ASIC2: variants seen among roughly 807,000 people sequenced by gnomAD.
ASIC2 encodes the protein acid sensing ion channel subunit 2, also known as acid-sensing ion channel 2.
A neutral mutation model predicts 57.3 loss-of-function variants in ASIC2; 25 were observed. The observed-to-expected ratio is 0.44, with a 90% CI of 0.32 to 0.61. The LOEUF is 0.61. ASIC2 is among the 20% of genes least tolerant of loss of function. ASIC2 has a pLI of 0.06. For missense variants in ASIC2, 641 were observed against 738.1 expected (o/e 0.87, Z 1.52); for synonymous variants, 319 against 307.5 (o/e 1.04, Z -0.39).
chr17:33,028,395 G>A lies in ASIC2; in HGVS notation c.988-3C>T. 2 of 1,614,042 alleles carry A rather than the reference G, an allele frequency of 1.2e-6. No individual in the cohort carries two copies. Among genetic ancestry groups the A allele is most frequent in the Non-Finnish European group, 1.7e-6 (2 of 1,179,974 alleles). On this transcript the variant is annotated splice_polypyrimidine_tract_variant and splice_region_variant and intron_variant, in intron 3 of 9. Coordinates refer to ENST00000225823, the MANE Select transcript of ASIC2 (RefSeq NM_183377.2). ...CACGGTGGGGGCAGGTATGTGAGCT[G>A]CAAGACAGGAAGGAGGGGGCGGCAG...
chr17:33,028,269 A>T lies in ASIC2; in HGVS notation c.1111T>A (p.Cys371Ser). ...DCETRYIVEN[C>S]NCRMVHMPGD... ...GGCATGTGAACCATGCGGCAGTTGCAGTTTTCCACAATGTAGCGGGTCTCA... is the reference window on the plus strand; with the variant it reads ...GGCATGTGAACCATGCGGCAGTTGCTGTTTTCCACAATGTAGCGGGTCTCA... Residue 371 changes from cysteine (C) to serine (S), a missense_variant, in exon 4 of 10, where the codon TGC (cysteine) becomes AGC (serine). Around this residue, in one of 3 missense-constraint regions of ASIC2, gnomAD observed 252 missense variants for 319.8 expected, o/e 0.79. Transcript: ENST00000225823. The T allele has an allele frequency of 6.2e-7, 1 of 1,614,136 alleles. No individual in the cohort carries two copies. Among genetic ancestry groups the T allele is most frequent in the East Asian group, 2.2e-5 (1 of 44,876 alleles).
At chr17:33,572,641 C>T (rs1916487858) in intron 1 of ASIC2, among the ~76,000 whole-genome samples, 1 of 152,178 alleles carries the variant, frequency 6.6e-6, no homozygotes, top group Admixed American at 6.5e-5. Context: ...AACTCAGTGC[C>T]TCTTTATCTT....
intron 1 of ASIC2, among the ~76,000 whole-genome samples, chr17:33,626,694 C>T (rs1160318318): frequency 6.6e-6 from 1 of 152,122 alleles, no homozygotes; most frequent in Non-Finnish European, 1.5e-5. Context: ...GCACTCCTGA[C>T]ATCCAATCAA....
At chr17:33,978,117 G>C (rs528481315) in intron 1 of ASIC2, among the ~76,000 whole-genome samples, 2 of 152,302 alleles carry the variant, frequency 1.3e-5, no homozygotes, top group East Asian at 1.9e-4. Flanking sequence ...ATCTTTCCCA[G>C]GTTTGAAGGT....
intron 1 of ASIC2, among the ~76,000 whole-genome samples, chr17:34,017,355 C>A (rs558055893): frequency 3.3e-5 from 5 of 152,328 alleles, no homozygotes; most frequent in Admixed American, 6.5e-5. Flanking sequence ...TAGTCATTCT[C>A]CTATCTCTTC....
chr17:33,958,465 T>G (rs1201728170), intron 1 of ASIC2, among the ~76,000 whole-genome samples: 1 of 152,128 alleles, frequency 6.6e-6, no homozygotes, highest in Non-Finnish European at 1.5e-5. Flanking sequence ...CAAATCTCAA[T>G]TCTTGTCTTC....
intron 3 of ASIC2, among the ~76,000 whole-genome samples, chr17:33,041,001 A>G (rs1463873641): frequency 1.3e-5 from 2 of 152,146 alleles, no homozygotes; most frequent in Non-Finnish European, 2.9e-5. Context: ...CACTGGGGCT[A>G]TAGAGATGAG....
intron 1 of ASIC2, among the ~76,000 whole-genome samples, chr17:33,342,627 T>A (rs1705323396): frequency 6.6e-6 from 1 of 152,098 alleles, no homozygotes; most frequent in African/African-American, 2.4e-5. Context: ...CACGACTGAT[T>A]ATTAACTCTC....
In ASIC2 at chr17:33,436,853, C is replaced by CTTCTTTTTT. The variant is rs1356302162; in HGVS notation, c.556-324787_556-324786insAAAAAAGAA. Among the ~76,000 whole-genome samples the CTTCTTTTTT allele has an allele frequency of 1.4e-3, 92 of 66,610 alleles. 2 individuals are homozygous for CTTCTTTTTT. The highest frequency in any genetic ancestry group is 1.9e-3 in the South Asian group (3 of 1,568). 43.7% of individuals were successfully genotyped at this position (66,610 alleles called of 152,430 possible). A position where few individuals can be genotyped will look rare whatever the true frequency, so the allele number is the denominator to read the frequency against. Reference sequence around the variant, plus strand: ...AATGCCTTAAAACACATTCCAACTTCTTTTTTTTTTTTTTTTTTTTTTTTT... The same window carrying CTTCTTTTTT: ...AATGCCTTAAAACACATTCCAACTTCTTCTTTTTTTTTTTTTTTTTTTTTTTTTTTTTTT... On this transcript the variant is annotated intron_variant, in intron 1 of 9. Coordinates refer to the ASIC2 transcript ENST00000359872.
chr17:33,036,379 C>A lies in ASIC2; in HGVS notation c.988-7987G>T, dbSNP rs191766138. Among the ~76,000 whole-genome samples the A allele has an allele frequency of 7.7e-4, 117 of 152,132 alleles. 1 individual carries two copies. The highest frequency in any genetic ancestry group is 2.7e-3 in the African/African-American group (112 of 41,484). On this transcript the variant is annotated intron_variant, in intron 3 of 9. Coordinates refer to ENST00000225823, the MANE Select transcript of ASIC2 (RefSeq NM_183377.2). Reference sequence around the variant, plus strand: ...ACAATGCCCCATAGGTCAAGGAAATCGATGGGAGGGATGGAGAAACCCTCC... The same window carrying A: ...ACAATGCCCCATAGGTCAAGGAAATAGATGGGAGGGATGGAGAAACCCTCC...
At chr17:33,879,323 A>G (rs1914638200) in intron 1 of ASIC2, among the ~76,000 whole-genome samples, 1 of 152,218 alleles carries the variant, frequency 6.6e-6, no homozygotes, top group South Asian at 2.1e-4. Context: ...AAATTGGATA[A>G]AAAGTCAAGA....
At chr17:33,578,981 G>A (rs970958984) in intron 1 of ASIC2, among the ~76,000 whole-genome samples, 8 of 152,112 alleles carry the variant, frequency 5.3e-5, no homozygotes, top group African/African-American at 9.7e-5. Context: ...CACCTTGGAA[G>A]CGGTTATAGA....
intron 1 of ASIC2, among the ~76,000 whole-genome samples, chr17:33,499,783 A>T (rs1597753286): frequency 6.6e-6 from 1 of 152,232 alleles, no homozygotes; most frequent in Non-Finnish European, 1.5e-5. Flanking sequence ...GTTGGATTGC[A>T]CCTGAAGTTA....
At chr17:33,738,558 C>G (rs1279444592) in intron 1 of ASIC2, among the ~76,000 whole-genome samples, 3 of 152,138 alleles carry the variant, frequency 2.0e-5, no homozygotes, top group Middle Eastern at 3.2e-3. Context: ...GCTTCAGTTT[C>G]CCCCAGTGGT....
chr17:33,196,915 T>C (rs1448733196), intron 1 of ASIC2, among the ~76,000 whole-genome samples: 3 of 152,204 alleles, frequency 2.0e-5, no homozygotes, highest in Non-Finnish European at 4.4e-5. Flanking sequence ...GTAAATACCA[T>C]GGAGGAAGCT....
At position 33,218,248 on chromosome 17, in the gene ASIC2, T is replaced by C. The variant is rs370665694; in HGVS notation, c.708+73160A>G. On this transcript the variant is annotated intron_variant, in intron 1 of 9. Coordinates refer to ENST00000225823, the MANE Select transcript of ASIC2 (RefSeq NM_183377.2). ...TCCCATCCCTGGGAATCTAGAAGCC[T>C]GGGTGGGGCTTCTGATGGTGGCTTC... 8.5e-5 allele frequency among the ~76,000 whole-genome samples: 13 copies of C among 152,268 alleles called. No homozygotes were observed. The South Asian group carries it at 2.7e-3, about 32-fold the overall frequency.
intron 1 of ASIC2, among the ~76,000 whole-genome samples, chr17:33,546,563 T>C (rs1289138778): frequency 6.6e-6 from 1 of 152,140 alleles, no homozygotes; most frequent in East Asian, 1.9e-4. Flanking sequence ...TAATGTAACC[T>C]CCTTGACTTG....
At chr17:33,193,077 C>T (rs760980243) in intron 1 of ASIC2, among the ~76,000 whole-genome samples, 12 of 152,154 alleles carry the variant, frequency 7.9e-5, no homozygotes, top group Non-Finnish European at 1.3e-4. Flanking sequence ...ATAGAACTAA[C>T]GGATTTGAAA....
chr17:33,852,774 A>C (rs921335915), intron 1 of ASIC2, among the ~76,000 whole-genome samples: 21 of 152,182 alleles, frequency 1.4e-4, no homozygotes, highest in Non-Finnish European at 2.8e-4. Context: ...AAAGGGGCTC[A>C]CATTACAAAT....
Sources: gnomAD v4.1 joint callset for allele counts (sites outside exome capture counted in the v4.1 genomes callset) on GRCh38, gnomAD v4.1.1 for gene constraint, gnomAD v4.1.1 regional missense constraint, MANE v1.5 for transcripts, NCBI Gene and HGNC (gene_info 2026-07-23, HGNC 2026-07-21) for gene names.